PPP2R5C: variants seen among roughly 807,000 people sequenced by gnomAD.
The protein encoded by PPP2R5C is serine/threonine-protein phosphatase 2A 56 kDa regulatory subunit gamma isoform.
A neutral mutation model predicts 68.9 loss-of-function variants in PPP2R5C; 7 were observed. The ratio of observed to expected loss-of-function variants is 0.10; its 90% confidence interval spans 0.06 to 0.19. The LOEUF (loss-of-function observed/expected upper bound fraction) is 0.19, where lower values mean the gene tolerates loss of function less well. Among genes scored for constraint, PPP2R5C ranks in the 10% least tolerant of loss-of-function variants. PPP2R5C has a pLI of 1.00. For synonymous variants in PPP2R5C, 210 were observed against 222.2 expected (o/e 0.95, Z 0.49); for missense variants, 348 against 641.3 (o/e 0.54, Z 4.94).
Position 101,818,782 on chromosome 14 carries a change from T to C in PPP2R5C, c.94+8746T>C, listed in dbSNP as rs1177943391. The C allele has an allele frequency of 6.5e-5, 33 of 506,750 alleles. No homozygotes were observed. In the East Asian group the frequency reaches 1.0e-3, roughly 15 times the overall value. The allele number at this position is 506,750 out of a possible 1,614,324, so 31.4% of individuals were successfully genotyped here. On this transcript the variant is annotated intron_variant, in intron 1 of 13. Transcript: ENST00000334743. ...GTGGGGTCCCAACTATAACCTTATA[T>C]CTTATTGTTTTTAAATGTTGATATT...
chr14:101,908,919 T>A (rs571227212), intron 10 of PPP2R5C, among the ~76,000 whole-genome samples: 1 of 152,320 alleles, frequency 6.6e-6, no homozygotes, highest in East Asian at 1.9e-4. Flanking sequence ...GATTTATTTG[T>A]TTTTAGCTAC....
At chr14:101,807,954 G>GA (rs2039140070), upstream of PPP2R5C, among the ~76,000 whole-genome samples, 1 of 148,798 alleles carries the variant, frequency 6.7e-6, no homozygotes, top group South Asian at 2.2e-4. Context: ...TATCTCGTAT[G>GA]AAATATTAAA....
chr14:101,892,401 G>A (rs1056059365), intron 6 of PPP2R5C, among the ~76,000 whole-genome samples: 6 of 137,132 alleles, frequency 4.4e-5, no homozygotes, highest in African/African-American at 1.5e-4. Flanking sequence ...GGGTGGGGGG[G>A]GTCCCACGTG....
At chr14:101,901,141 T>C (rs1248918726) in intron 8 of PPP2R5C, among the ~76,000 whole-genome samples, 1 of 152,232 alleles carries the variant, frequency 6.6e-6, no homozygotes, top group Non-Finnish European at 1.5e-5. Context: ...AAGAAATGGG[T>C]TGTGTACACG....
At chr14:101,771,222 C>CGT (rs3993402) in intron 2 of PPP2R5C, among the ~76,000 whole-genome samples, 21,841 of 135,176 alleles carry the variant, frequency 0.16, 1,926 homozygotes, top group African/African-American at 0.25. Flanking sequence ...TTCTTCATCT[C>CGT]GTGTGTGTGT....
chr14:101,826,618 C>T (rs2040414817), intron 1 of PPP2R5C, among the ~76,000 whole-genome samples: 1 of 151,850 alleles, frequency 6.6e-6, no homozygotes, highest in Non-Finnish European at 1.5e-5. Flanking sequence ...ATTTTGGGTC[C>T]CTTTTGGTAT....
chr14:101,761,431 T>C (rs1449964329), upstream of PPP2R5C, among the ~76,000 whole-genome samples: 1 of 150,304 alleles, frequency 6.7e-6, no homozygotes, highest in Non-Finnish European at 1.5e-5. Context: ...GGCCGCGGCC[T>C]GCCTGAGGCC....
Position 101,924,516 on chromosome 14 carries a change from C to T in PPP2R5C, c.1444-625C>T, listed in dbSNP as rs530051972. ...GGACTGCAGTGGTGCAATCTCGGCT[C>T]ACTGCAACCTCCACCTCACGGGTTC... On this transcript the variant is annotated intron_variant, in intron 13 of 13. Transcript: ENST00000334743. Among the ~76,000 whole-genome samples the T allele has an allele frequency of 1.6e-3, 229 of 145,124 alleles. 2 individuals carry two copies. The highest frequency in any genetic ancestry group is 5.7e-3 in the African/African-American group (225 of 39,362).
At chr14:101,866,882 G>A (rs866685525) in intron 2 of PPP2R5C, among the ~76,000 whole-genome samples, 1 of 151,994 alleles carries the variant, frequency 6.6e-6, no homozygotes, top group Non-Finnish European at 1.5e-5. Flanking sequence ...AGGAGTTGGA[G>A]ACCAGCCTGG....
At chr14:101,778,790 C>T (rs1453630241) in intron 2 of PPP2R5C, among the ~76,000 whole-genome samples, 1 of 152,150 alleles carries the variant, frequency 6.6e-6, no homozygotes, top group African/African-American at 2.4e-5. Context: ...TGCGGTGGCT[C>T]ACCACACCTG....
chr14:101,791,446 C>G (rs1044070242), intron 3 of PPP2R5C, among the ~76,000 whole-genome samples: 1 of 152,082 alleles, frequency 6.6e-6, no homozygotes, highest in Non-Finnish European at 1.5e-5. Flanking sequence ...AAATAAAATA[C>G]AGTAAAAATA....
upstream of PPP2R5C, among the ~76,000 whole-genome samples, chr14:101,809,160 G>A (rs1035657452): frequency 2.6e-5 from 4 of 151,690 alleles, no homozygotes; most frequent in Non-Finnish European, 5.9e-5. Context: ...TTACTCCCAC[G>A]GCCAGGTGAT....
At chr14:101,773,580 T>C (rs2037261486) in intron 2 of PPP2R5C, among the ~76,000 whole-genome samples, 1 of 151,934 alleles carries the variant, frequency 6.6e-6, no homozygotes, top group East Asian at 1.9e-4. Context: ...AAAGTGAGGG[T>C]AGGCAGAGCA....
intron 2 of PPP2R5C, among the ~76,000 whole-genome samples, chr14:101,764,479 G>A (rs1394889433): frequency 6.6e-6 from 1 of 152,216 alleles, no homozygotes. Context: ...ATGATCTGCA[G>A]TGGACTTTTT....
intron 2 of PPP2R5C, among the ~76,000 whole-genome samples, chr14:101,783,418 C>T (rs145741211): frequency 1.9e-3 from 290 of 151,138 alleles, no homozygotes; most frequent in Non-Finnish European, 3.6e-3. Flanking sequence ...AGGAAGATGC[C>T]CCCTCAGAGT....
chr14:101,896,415 T>G (rs1167205204), intron 8 of PPP2R5C, among the ~76,000 whole-genome samples: 1 of 152,128 alleles, frequency 6.6e-6, no homozygotes, highest in East Asian at 1.9e-4. Context: ...TTGAGCATCT[T>G]TTCAGCGCTT....
In PPP2R5C at chr14:101,787,723, T is replaced by C. The variant is rs566532605; in HGVS notation, c.259+1540T>C. Reference sequence around the variant, plus strand: ...CAGAGCTTGCAGTGAGCTGAGATCGTGCCACTGCACTCCAGCCTGGGCGAC... The same window carrying C: ...CAGAGCTTGCAGTGAGCTGAGATCGCGCCACTGCACTCCAGCCTGGGCGAC... On this transcript the variant is annotated intron_variant, in intron 3 of 14. Coordinates refer to the PPP2R5C transcript ENST00000328724. Among the ~76,000 whole-genome samples the C allele has an allele frequency of 1.3e-3, 180 of 139,798 alleles. 1 individual carries two copies. The highest frequency in any genetic ancestry group is 1.3e-3 in the South Asian group (6 of 4,518). 91.7% of individuals were successfully genotyped at this position (139,798 alleles called of 152,430 possible). A position where few individuals can be genotyped will look rare whatever the true frequency, so the allele number is the denominator to read the frequency against.
chr14:101,841,019 A>G, intron 1 of PPP2R5C, among the ~76,000 whole-genome samples: 1 of 152,294 alleles, frequency 6.6e-6, no homozygotes, highest in East Asian at 1.9e-4. Flanking sequence ...AAAAACAAAA[A>G]CAACATTTAT....
Position 101,797,177 on chromosome 14 carries a change from C to T in PPP2R5C, c.259+10994C>T, listed in dbSNP as rs1231147782. Reference sequence around the variant, plus strand: ...ATCGTACAGTATCTGTCTTTCTGTGCCTGGCTTATTTCCCTAAACATAATA... The same window carrying T: ...ATCGTACAGTATCTGTCTTTCTGTGTCTGGCTTATTTCCCTAAACATAATA... On this transcript the variant is annotated intron_variant, in intron 3 of 14. Coordinates refer to the PPP2R5C transcript ENST00000328724. This position sits in a 1 kb window ranked among gnomAD's most constrained non-coding sequence, Gnocchi z 4.2. 3 of 455,942 alleles carry T rather than the reference C, an allele frequency of 6.6e-6. No individual in the cohort carries two copies. The highest frequency in any genetic ancestry group is 1.3e-5 in the Non-Finnish European group (3 of 226,806). 28.2% of individuals were successfully genotyped at this position (455,942 alleles called of 1,614,324 possible).
Sources: gnomAD v4.1 joint callset for allele counts (sites outside exome capture counted in the v4.1 genomes callset) on GRCh38, gnomAD v4.1.1 for gene constraint, Gnocchi (gnomAD v3.1) non-coding constraint, MANE v1.5 for transcripts, NCBI Gene and HGNC (gene_info 2026-07-23, HGNC 2026-07-21) for gene names.